Variants in ME3 observed in about 807,000 individuals in gnomAD.
ME3 encodes the protein NADP-dependent malic enzyme, mitochondrial.
Under a neutral mutation model 68.9 loss-of-function variants are expected in ME3, and 48 were observed. The ratio of observed to expected loss-of-function variants is 0.70; its 90% CI spans 0.55 to 0.89. ME3 has a LOEUF of 0.89. Among genes scored for constraint, ME3 ranks in the 40% least tolerant of loss-of-function variants. The pLI is 0.00. For missense variants in ME3, 675 were observed against 797.4 expected (o/e 0.85, Z 1.85); for synonymous variants, 320 against 318.8 (o/e 1.00, Z -0.04).
At chr11:86,546,591 A>C (rs369320723) in intron 4 of ME3, among the ~76,000 whole-genome samples, 2 of 152,252 alleles carry the variant, frequency 1.3e-5, no homozygotes, top group African/African-American at 4.8e-5. Context: ...GTCATTAGAG[A>C]AACGCAAATC....
intron 2 of ME3, among the ~76,000 whole-genome samples, chr11:86,637,090 G>A (rs1410742714): frequency 6.6e-6 from 1 of 152,074 alleles, no homozygotes; most frequent in African/African-American, 2.4e-5. Flanking sequence ...ATCAGTAATG[G>A]TGCCTGTATC....
At chr11:86,475,851 GTA>G (rs68158647) in intron 7 of ME3, among the ~76,000 whole-genome samples, 14,022 of 114,100 alleles carry the variant, frequency 0.12, 977 homozygotes, top group Admixed American at 0.16. Flanking sequence ...CTAATATTCA[GTA>G]TATATATATA....
At chr11:86,494,541 A>G (rs1023002282) in intron 6 of ME3, among the ~76,000 whole-genome samples, 1 of 152,160 alleles carries the variant, frequency 6.6e-6, no homozygotes, top group African/African-American at 2.4e-5. Context: ...AGGGCAGATC[A>G]GGGCATGTTC....
At chr11:86,511,700 T>G (rs551608952) in intron 4 of ME3, among the ~76,000 whole-genome samples, 4 of 152,328 alleles carry the variant, frequency 2.6e-5, no homozygotes, top group African/African-American at 7.2e-5. Context: ...GCCTGACCTC[T>G]GCTGAAATGT....
intron 4 of ME3, among the ~76,000 whole-genome samples, chr11:86,519,256 G>A (rs1411679785): frequency 6.6e-6 from 1 of 152,174 alleles, no homozygotes; most frequent in Non-Finnish European, 1.5e-5. Flanking sequence ...ACAAAGGCAT[G>A]CAAATTACAT....
At chr11:86,507,317 T>A (rs1594219978) in intron 5 of ME3, among the ~76,000 whole-genome samples, 1 of 152,186 alleles carries the variant, frequency 6.6e-6, no homozygotes, top group Non-Finnish European at 1.5e-5. Context: ...TAACTAGACT[T>A]TGAGCTCCTC....
chr11:86,608,296 G>A (rs1270272784), intron 2 of ME3, among the ~76,000 whole-genome samples: 1 of 152,102 alleles, frequency 6.6e-6, no homozygotes, highest in African/African-American at 2.4e-5. Flanking sequence ...TTGAGTCCAC[G>A]CACGCTTGCT....
At chr11:86,654,275 C>G (rs1469905243) in intron 2 of ME3, among the ~76,000 whole-genome samples, 2 of 152,166 alleles carry the variant, frequency 1.3e-5, no homozygotes, top group Non-Finnish European at 2.9e-5. Context: ...ATACCAAAGC[C>G]AGGCAGAGAC....
Position 86,657,103 on chromosome 11 carries a change from C to A in ME3, c.183+14659G>T, listed in dbSNP as rs546698053. Among the ~76,000 whole-genome samples the A allele has an allele frequency of 4.6e-5, 7 of 152,284 alleles. No individual in the cohort carries two copies. The South Asian group carries it at 1.2e-3, about 27-fold the overall frequency. On this transcript the variant is annotated intron_variant, in intron 2 of 14. Transcript: ENST00000543262. ...GAATTAGAAATACCGTTTGACCCAG[C>A]AATCCCATTACTGGGTATATACTCA...
At chr11:86,560,250 G>GT (rs1306135917) in intron 2 of ME3, among the ~76,000 whole-genome samples, 2 of 152,156 alleles carry the variant, frequency 1.3e-5, no homozygotes, top group Non-Finnish European at 2.9e-5. Context: ...TCTTGTGATA[G>GT]TGAGTGAGTT....
chr11:86,555,834 A>G (rs1362326759), intron 4 of ME3, among the ~76,000 whole-genome samples: 4 of 152,258 alleles, frequency 2.6e-5, no homozygotes, highest in African/African-American at 7.2e-5. Flanking sequence ...AGTATGTTGC[A>G]TATTTACATA....
intron 2 of ME3, among the ~76,000 whole-genome samples, chr11:86,638,543 TAAGGGTGGATGACACATTATCTTTC>T (rs1212083644): frequency 1.3e-5 from 2 of 152,110 alleles, no homozygotes; most frequent in Non-Finnish European, 2.9e-5. Flanking sequence ...AAGTGTAGGC[TAAGGGTGGATGACACATTATCTTTC>T]AAGTTTTTAG....
intron 7 of ME3, among the ~76,000 whole-genome samples, chr11:86,472,977 A>G (rs1028683495): frequency 1.3e-5 from 2 of 152,260 alleles, no homozygotes; most frequent in African/African-American, 2.4e-5. Context: ...GAACGTGTTC[A>G]TGAAGCAATG....
chr11:86,504,425 C>T (rs1393566365), intron 5 of ME3, among the ~76,000 whole-genome samples: 1 of 121,232 alleles, frequency 8.2e-6, no homozygotes, highest in African/African-American at 3.1e-5. Flanking sequence ...AGTCTCACTA[C>T]TCTCTCCCAG....
chr11:86,447,039 G>T, intron 12 of ME3, 26 bp downstream of exon 12: 1 of 1,609,608 alleles, frequency 6.2e-7, no homozygotes, highest in South Asian at 1.1e-5. Flanking sequence ...CCTCTCAGCC[G>T]GGGGAAGGAA....
intron 2 of ME3, among the ~76,000 whole-genome samples, chr11:86,650,550 A>G (rs1747879590): frequency 1.3e-5 from 2 of 152,228 alleles, no homozygotes. Context: ...AATTTTTGCT[A>G]TCTATCCATC....
chr11:86,625,245 C>T (rs1012237648), intron 2 of ME3, among the ~76,000 whole-genome samples: 2 of 151,952 alleles, frequency 1.3e-5, no homozygotes, highest in African/African-American at 2.4e-5. Flanking sequence ...GTAGAAGATC[C>T]AGCACCCTGA....
At chr11:86,483,002 C>T (rs1951498940) in intron 7 of ME3, among the ~76,000 whole-genome samples, 1 of 152,186 alleles carries the variant, frequency 6.6e-6, no homozygotes, top group Non-Finnish European at 1.5e-5. Flanking sequence ...AGATGTGTTC[C>T]TTGACACCAC....
chr11:86,570,327 T>A (rs7951185), intron 2 of ME3, among the ~76,000 whole-genome samples: 31,539 of 152,134 alleles, frequency 0.21, 3,924 homozygotes, highest in East Asian at 0.54. Flanking sequence ...TTTAAGCTGA[T>A]GAGCTGTTAG....
Sources: gnomAD v4.1 joint callset for allele counts (sites outside exome capture counted in the v4.1 genomes callset) on GRCh38, gnomAD v4.1.1 for gene constraint, MANE v1.5 for transcripts, NCBI Gene and HGNC (gene_info 2026-07-23, HGNC 2026-07-21) for gene names.